The following NCAPD2 variants were observed in gnomAD, a reference collection of about 807,000 sequenced individuals.
NCAPD2 encodes non-SMC condensin I complex subunit D2.
NCAPD2 carries 100 observed loss-of-function variants against 164.5 expected under a neutral mutation model. The ratio of observed to expected loss-of-function variants is 0.61; its 90% confidence interval spans 0.52 to 0.72. The LOEUF is 0.72. Ranked by LOEUF, NCAPD2 falls within the 30% of genes least tolerant of loss-of-function variation. The pLI is 0.00. For synonymous variants in NCAPD2, 585 were observed against 642.6 expected, an observed-to-expected ratio of 0.91 and a Z score of 1.36; for missense variants, 1,560 against 1,749.2, an observed-to-expected ratio of 0.89 and a Z score of 1.93.
At chr12:6,496,986 G>A (rs1945990621) in intron 2 of NCAPD2, among the ~76,000 whole-genome samples, 1 of 152,310 alleles carries the variant, frequency 6.6e-6, no homozygotes, top group South Asian at 2.1e-4. Context: ...TCGCATATGT[G>A]GTCTATTGTT....
chr12:6,509,670 A>G (rs760391374), intron 2 of NCAPD2, 47 bp from the exon 3 acceptor site: 4 of 1,550,186 alleles, frequency 2.6e-6, no homozygotes, highest in Middle Eastern at 1.7e-4. Context: ...ATTTACTGAA[A>G]AGGTTTCTCT....
chr12:6,526,018 G>T, intron 18 of NCAPD2, 50 bp from the exon 19 acceptor site: 1 of 1,600,712 alleles, frequency 6.2e-7, no homozygotes, highest in South Asian at 1.1e-5. Context: ...TTTCTCCCCC[G>T]ATGAGTCCAA....
chr12:6,521,970 C>T lies in NCAPD2; in HGVS notation c.1887C>T (p.Ser629=), dbSNP rs1946267275. The change falls in exon 15 of 32, where the codon AGC becomes AGT. Residue 629 remains serine (S), a synonymous_variant. Transcript: ENST00000315579. Reference sequence around the variant, plus strand: ...TACAGTATCTGCAGGATGCCTACAGCTTCTCCCGGAAGATTACAGAGGCCA... The same window carrying T: ...TACAGTATCTGCAGGATGCCTACAGTTTCTCCCGGAAGATTACAGAGGCCA... ...MLVQYLQDAY[S]FSRKITEAIG... 2 of 1,614,060 alleles carry T rather than the reference C, an allele frequency of 1.2e-6. No homozygotes were observed. The highest frequency in any genetic ancestry group is 1.7e-5 in the Admixed American group (1 of 60,002).
Position 6,520,971 on chromosome 12 carries a change from C to T in NCAPD2, c.1590-15C>T. On this transcript the variant is annotated splice_polypyrimidine_tract_variant and intron_variant, in intron 13 of 31. Coordinates refer to ENST00000315579, the MANE Select transcript of NCAPD2 (RefSeq NM_014865.4). ...TGACATTCTTCTGGGTACTGACAGG[C>T]TGGTGTTCTTTCAGAAAGGCCATCA... 6.2e-7 allele frequency: 1 copy of T among 1,613,632 alleles called. No homozygotes were observed. The highest frequency in any genetic ancestry group is 1.3e-5 in the African/African-American group (1 of 75,022).
At chr12:6,507,445 G>A (rs540539288) in intron 2 of NCAPD2, among the ~76,000 whole-genome samples, 31 of 152,372 alleles carry the variant, frequency 2.0e-4, no homozygotes, top group African/African-American at 7.0e-4. Context: ...GCAGAGGGGT[G>A]CCTCTCCTTG....
chr12:6,496,758 A>G (rs1410529621), intron 2 of NCAPD2, among the ~76,000 whole-genome samples: 1 of 152,162 alleles, frequency 6.6e-6, no homozygotes, highest in East Asian at 1.9e-4. Context: ...ACCAGGCTCA[A>G]GCAGTCCTCC....
intron 2 of NCAPD2, among the ~76,000 whole-genome samples, chr12:6,505,462 A>G (rs1445288940): frequency 6.6e-6 from 1 of 152,196 alleles, no homozygotes; most frequent in Admixed American, 6.5e-5. Flanking sequence ...TGAGCTCACC[A>G]TAGTATCGAC....
intron 8 of NCAPD2, 77 bp from the exon 9 acceptor site, chr12:6,514,696 T>A: frequency 6.2e-7 from 1 of 1,605,554 alleles, no homozygotes. Context: ...AGATATTAGA[T>A]ACCTGTCTTA....
chr12:6,526,201 G>T lies in NCAPD2; in HGVS notation c.2481+1G>T, dbSNP rs112246694. 2 of 1,614,052 alleles carry T rather than the reference G, an allele frequency of 1.2e-6. No homozygotes were observed. Among genetic ancestry groups the T allele is most frequent in the East Asian group, 2.2e-5 (1 of 44,902 alleles). On this transcript the variant is annotated splice_donor_variant, in intron 19 of 31. Transcript: ENST00000315579. LOFTEE classifies it high-confidence loss of function. ...TGCCAACATCTCGGACAGGAGAAAG[G>T]TATGTGGGGGTGGTTCCAAACTAAG...
chr12:6,495,291 A>T (rs1945968265), intron 2 of NCAPD2, 66 bp downstream of exon 2: 2 of 1,574,536 alleles, frequency 1.3e-6, no homozygotes, highest in Non-Finnish European at 8.7e-7. Context: ...GAATTGCTAC[A>T]TTGTCATTTC....
chr12:6,509,999 G>A (rs911728686), intron 3 of NCAPD2, 76 bp from the exon 4 acceptor site: 12 of 1,462,632 alleles, frequency 8.2e-6, no homozygotes, highest in African/African-American at 2.8e-5. Flanking sequence ...TCGATTCCAC[G>A]GGTTAGATCT....
chr12:6,531,172 A>G lies in NCAPD2; in HGVS notation c.4120+96A>G. On this transcript the variant is annotated intron_variant, in intron 31 of 31. Transcript: ENST00000315579. This position sits in a 1 kb window ranked among gnomAD's most constrained non-coding sequence, Gnocchi z 4.1. ...ACCTGCTGCGGGGGCCTGAGTGTAG[A>G]TGCTCTGCCCCACTGCCGCAGAAGG... is the stretch of plus-strand genomic sequence containing the variant. The G allele has an allele frequency of 7.8e-6, 12 of 1,538,664 alleles. No homozygotes were observed. The highest frequency in any genetic ancestry group is 9.8e-6 in the Non-Finnish European group (11 of 1,124,120).
At chr12:6,510,844 G>A (rs1946140011) in intron 5 of NCAPD2, 34 bp downstream of exon 5, 1 of 1,600,316 alleles carries the variant, frequency 6.2e-7, no homozygotes, top group African/African-American at 1.3e-5. Context: ...GTTATATGGG[G>A]TCTGGGGAGA....
At chr12:6,509,528 C>T (rs1946126561) in intron 2 of NCAPD2, among the ~76,000 whole-genome samples, 189 bp from the exon 3 acceptor site, 1 of 152,230 alleles carries the variant, frequency 6.6e-6, no homozygotes, top group South Asian at 2.1e-4. Flanking sequence ...TCCCAAAGTG[C>T]TGGGATTACA....
intron 4 of NCAPD2, 26 bp from the exon 5 acceptor site, chr12:6,510,603 T>C (rs1384335734): frequency 1.6e-5 from 26 of 1,613,128 alleles, no homozygotes; most frequent in Non-Finnish European, 2.1e-5. Flanking sequence ...TGAGTGAAAC[T>C]GACTCCAAGA....
chr12:6,509,188 G>A (rs530437555), intron 2 of NCAPD2, among the ~76,000 whole-genome samples: 1 of 151,978 alleles, frequency 6.6e-6, no homozygotes, highest in East Asian at 1.9e-4. Flanking sequence ...GTCTGCTTTT[G>A]CTCAGGTGTG....
chr12:6,528,403 C>T lies in NCAPD2; in HGVS notation c.3299+75C>T. Reference sequence around the variant, plus strand: ...TGTTGAGAGTCAGTGTGAGAATCACCAGGGCTCTTCCCCTAGGCTTTGGCA... The same window carrying T: ...TGTTGAGAGTCAGTGTGAGAATCACTAGGGCTCTTCCCCTAGGCTTTGGCA... On this transcript the variant is annotated intron_variant, in intron 25 of 31. Transcript: ENST00000315579. This position sits in a 1 kb window ranked among gnomAD's most constrained non-coding sequence, Gnocchi z 5.1. The T allele has an allele frequency of 6.3e-7, 1 of 1,575,596 alleles. No homozygotes were observed. The highest frequency in any genetic ancestry group is 1.4e-5 in the African/African-American group (1 of 74,010).
rs1484223798 is a variant in NCAPD2, at chr12:6,522,956, A to G, written c.2083A>G (p.Asn695Asp). ...KEPGVREAVL[N>D]AYRQLYLNPK... ...GCCTGGTGTCCGGGAAGCCGTGCTT[A>G]ATGCCTACCGCCAACTCTACCTCAA... Residue 695 changes from asparagine to aspartate, a missense_variant, in exon 16 of 32, where the codon AAT becomes GAT. Physicochemically the swap from Asn to Asp is conservative, Grantham distance 23 (BLOSUM62 1). Coordinates refer to ENST00000315579, the MANE Select transcript of NCAPD2 (RefSeq NM_014865.4). 1 of 1,614,046 alleles carries G rather than the reference A, an allele frequency of 6.2e-7. No individual in the cohort carries two copies. The highest frequency in any genetic ancestry group is 1.3e-5 in the African/African-American group (1 of 74,910).
At position 6,531,823 on chromosome 12, in the gene NCAPD2, C is replaced by G. The variant is rs1461164188; in HGVS notation, c.*411C>G. On this transcript the variant is annotated 3_prime_UTR_variant, in exon 32 of 32. Coordinates refer to ENST00000315579, the MANE Select transcript of NCAPD2 (RefSeq NM_014865.4). The surrounding 1 kb of genome is among the most constrained non-coding windows in gnomAD (Gnocchi z 4.1). Reference sequence around the variant, plus strand: ...CCATCTCAAATTAAAAAAAAAATGCCTACACGCTCTTTAAAATGCAAGGCT... The same window carrying G: ...CCATCTCAAATTAAAAAAAAAATGCGTACACGCTCTTTAAAATGCAAGGCT... 5 of 225,532 alleles carry G rather than the reference C, an allele frequency of 2.2e-5. No homozygotes were observed. The highest frequency in any genetic ancestry group is 4.5e-5 in the Non-Finnish European group (5 of 111,364). 14.0% of individuals were successfully genotyped at this position (225,532 alleles called of 1,614,324 possible). A position where few individuals can be genotyped will look rare whatever the true frequency, so the allele number is the denominator to read the frequency against.
Sources: allele counts gnomAD v4.1 joint callset (sites outside exome capture counted in the v4.1 genomes callset), GRCh38; gene constraint gnomAD v4.1.1; non-coding constraint Gnocchi (gnomAD v3.1); transcripts MANE v1.5; gene names NCBI Gene and HGNC (gene_info 2026-07-23, HGNC 2026-07-21).